Variants in PNKD observed in about 807,000 individuals in gnomAD.
The protein encoded by PNKD is probable thioesterase PNKD.
A neutral mutation model predicts 45.3 loss-of-function variants in PNKD; 36 were observed. The ratio of observed to expected loss-of-function variants is 0.80; its 90% CI spans 0.61 to 1.05. The LOEUF is 1.05. PNKD is among the 50% of genes least tolerant of loss of function. PNKD has a pLI of 0.00. For synonymous variants in PNKD, 197 were observed against 210.1 expected, an observed-to-expected ratio of 0.94 and a Z score of 0.54; for missense variants, 511 against 506.6, an observed-to-expected ratio of 1.01 and a Z score of -0.08.
chr2:218,333,573 C>T (rs1028844657), intron 2 of PNKD, among the ~76,000 whole-genome samples: 8 of 152,154 alleles, frequency 5.3e-5, no homozygotes, highest in Admixed American at 1.3e-4. Context: ...CACAGTCCTT[C>T]GGGGTAAGTC....
rs1694769231 is a variant in PNKD at position 218,344,435 on chromosome 2, A to G, written c.869-20A>G. 1 of 1,511,996 alleles carries G rather than the reference A, an allele frequency of 6.6e-7. No individual in the cohort carries two copies. Among genetic ancestry groups the G allele is most frequent in the African/African-American group, 1.4e-5 (1 of 72,624 alleles). The allele number at this position is 1,511,996 out of a possible 1,614,324, so 93.7% of individuals were successfully genotyped here. The stretch of plus-strand genomic sequence containing the variant: ...CCAATCTCTCTCTGCTCTGTGTCTC[A>G]CCCTCATGGCTGTCGGTAGGTCATG... On this transcript the variant is annotated intron_variant, in intron 8 of 9. Coordinates refer to ENST00000273077, the MANE Select transcript of PNKD (RefSeq NM_015488.5).
intron 2 of PNKD, chr2:218,278,155 A>T: frequency 1.5e-6 from 1 of 657,474 alleles, no homozygotes; most frequent in Non-Finnish European, 2.6e-6. Context: ...ACATGGGCCA[A>T]TGAGACAGAC....
intron 2 of PNKD, chr2:218,277,939 A>T: frequency 6.2e-7 from 1 of 1,614,192 alleles, no homozygotes; most frequent in Non-Finnish European, 8.5e-7. Context: ...ACTTACAAAA[A>T]GGGTCAGCAG....
chr2:218,280,295 A>G (rs1483845284), intron 2 of PNKD: 1 of 585,714 alleles, frequency 1.7e-6, no homozygotes, highest in Non-Finnish European at 3.1e-6. Context: ...AGAGTGACCC[A>G]GAGCCGGCCT....
intron 2 of PNKD, among the ~76,000 whole-genome samples, chr2:218,339,273 T>C (rs1694598577): frequency 6.6e-6 from 1 of 152,120 alleles, no homozygotes; most frequent in Admixed American, 6.6e-5. Flanking sequence ...TCTCTCTTTT[T>C]TTTTAGACAG....
intron 2 of PNKD, among the ~76,000 whole-genome samples, chr2:218,291,017 T>A (rs962735641): frequency 6.6e-6 from 1 of 152,204 alleles, no homozygotes; most frequent in African/African-American, 2.4e-5. Flanking sequence ...CTGCTTTTTC[T>A]GAAAGGCCCA....
At chr2:218,306,733 G>A (rs1196387560) in intron 2 of PNKD, among the ~76,000 whole-genome samples, 1 of 152,132 alleles carries the variant, frequency 6.6e-6, no homozygotes, top group Non-Finnish European at 1.5e-5. Context: ...AGTGTTATGG[G>A]GCAGCGCCAG....
intron 2 of PNKD, among the ~76,000 whole-genome samples, chr2:218,331,977 C>T (rs1694338121): frequency 6.6e-6 from 1 of 152,158 alleles, no homozygotes; most frequent in African/African-American, 2.4e-5. Flanking sequence ...TCCGCCCTTT[C>T]ACTCTTGGGA....
intron 2 of PNKD, among the ~76,000 whole-genome samples, chr2:218,331,489 T>A (rs1232343542): frequency 6.6e-6 from 1 of 152,096 alleles, no homozygotes; most frequent in African/African-American, 2.4e-5. Context: ...TTTTTTATTT[T>A]AGAGGGAGTC....
At chr2:218,272,917 A>AT in intron 2 of PNKD, 5 of 1,525,324 alleles carry the variant, frequency 3.3e-6, no homozygotes, top group Non-Finnish European at 4.4e-6. Flanking sequence ...CCAAAGGCAA[A>AT]TAAAGTTATT....
intron 2 of PNKD, among the ~76,000 whole-genome samples, chr2:218,332,219 T>C (rs1185578547): frequency 6.6e-6 from 1 of 152,176 alleles, no homozygotes; most frequent in African/African-American, 2.4e-5. Flanking sequence ...GAGGCTCTTG[T>C]AAGGCCCTAG....
chr2:218,289,264 T>A (rs1299166948), intron 2 of PNKD, among the ~76,000 whole-genome samples: 2 of 152,094 alleles, frequency 1.3e-5, no homozygotes, highest in Admixed American at 1.3e-4. Context: ...GGACCTGAAG[T>A]TCTTGTCCTG....
intron 6 of PNKD, 39 bp downstream of exon 6, chr2:218,341,665 G>A (rs999065041): frequency 7.1e-7 from 1 of 1,406,886 alleles, no homozygotes; most frequent in African/African-American, 1.4e-5. Context: ...CCCTTCCATG[G>A]GCCCTTTCCC....
In PNKD at chr2:218,271,659, G is replaced by A. The variant is rs1574616145; in HGVS notation, c.236+110G>A. 6.4e-6 allele frequency: 6 copies of A among 937,598 alleles called. No individual in the cohort carries two copies. In the East Asian group the frequency reaches 1.0e-4, roughly 16 times the overall value. 58.1% of individuals were successfully genotyped at this position (937,598 alleles called of 1,614,324 possible). On this transcript the variant is annotated intron_variant, in intron 2 of 9. Transcript: ENST00000273077. The stretch of plus-strand genomic sequence containing the variant: ...TGGCGAGCTGAATCCAAAGTTGTGG[G>A]AACAGAATTGTTGGGTTCGATTGGA...
intron 2 of PNKD, among the ~76,000 whole-genome samples, chr2:218,337,558 G>A (rs1388494624): frequency 1.3e-5 from 2 of 152,176 alleles, no homozygotes; most frequent in Non-Finnish European, 2.9e-5. Flanking sequence ...TTGGTCATTC[G>A]TGTTTCTTAG....
intron 2 of PNKD, among the ~76,000 whole-genome samples, chr2:218,323,941 T>C (rs1178726586): frequency 6.6e-6 from 1 of 152,234 alleles, no homozygotes; most frequent in Non-Finnish European, 1.5e-5. Context: ...AGTTAGGTTC[T>C]TCTGTCCCAA....
chr2:218,338,453 T>G (rs1347046846), intron 2 of PNKD, among the ~76,000 whole-genome samples: 1 of 130,390 alleles, frequency 7.7e-6, no homozygotes, highest in Non-Finnish European at 1.6e-5. Flanking sequence ...AGAGCGAGAC[T>G]CTGTCTCAAA....
chr2:218,311,566 TTA>T (rs1345495077), intron 2 of PNKD, among the ~76,000 whole-genome samples: 1 of 152,192 alleles, frequency 6.6e-6, no homozygotes, highest in African/African-American at 2.4e-5. Context: ...TAGGCTAGAT[TTA>T]TGTTTCTCTT....
At chr2:218,329,516 TG>T (rs745602430) in intron 2 of PNKD, among the ~76,000 whole-genome samples, 2 of 152,228 alleles carry the variant, frequency 1.3e-5, no homozygotes, top group Non-Finnish European at 2.9e-5. Flanking sequence ...ACTGTGCTTC[TG>T]GTCCTAGCCA....
Sources: allele counts gnomAD v4.1 joint callset (sites outside exome capture counted in the v4.1 genomes callset), GRCh38; gene constraint gnomAD v4.1.1; transcripts MANE v1.5; gene names NCBI Gene and HGNC (gene_info 2026-07-23, HGNC 2026-07-21).